MAD1L1: variants seen among roughly 807,000 people sequenced by gnomAD.
MAD1L1 encodes the protein mitotic spindle assembly checkpoint protein MAD1.
Under a neutral mutation model 96.9 loss-of-function variants are expected in MAD1L1, and 95 were observed. The observed-to-expected ratio is 0.98, with a 90% CI of 0.83 to 1.16. The LOEUF (loss-of-function observed/expected upper bound fraction) is 1.16, where lower values mean the gene tolerates loss of function less well. Ranked by LOEUF, MAD1L1 falls within the 50% of genes most tolerant of loss-of-function variation. MAD1L1 has a pLI of 0.00. For missense variants in MAD1L1, 1,007 were observed against 954.4 expected (o/e 1.06, Z -0.73); for synonymous variants, 473 against 396.6 (o/e 1.19, Z -2.29).
intron 12 of MAD1L1, among the ~76,000 whole-genome samples, chr7:2,048,517 T>C (rs779372224): frequency 6.6e-6 from 1 of 152,198 alleles, no homozygotes; most frequent in African/African-American, 2.4e-5. Flanking sequence ...ATGCCAGGTA[T>C]TTAACATAGG....
At chr7:1,997,983 A>ACCG (rs397739478) in intron 14 of MAD1L1, among the ~76,000 whole-genome samples, 41 of 151,484 alleles carry the variant, frequency 2.7e-4, no homozygotes, top group African/African-American at 9.2e-4. Flanking sequence ...TCCTCCCACC[A>ACCG]AATTCGAAGT....
In MAD1L1 at chr7:1,936,796, C is replaced by A; in HGVS notation, c.1698G>T (p.Ala566=). Residue 566 remains alanine (A), a synonymous_variant, in exon 17 of 19, where the codon GCG becomes GCT. Coordinates refer to ENST00000265854, the MANE Select transcript of MAD1L1 (RefSeq NM_001013836.2). ...GGAGCCCGCGCAGTCGCTCGCACTC[C>A]GCCTGCAGCTGGCTGTGGTCCTCGC... ...RLREDHSQLQ[A]ECERLRGLLR... is the part of the protein sequence containing the mutation. 6.3e-7 allele frequency: 1 copy of A among 1,588,778 alleles called. No individual in the cohort carries two copies. The highest frequency in any genetic ancestry group is 2.3e-5 in the East Asian group (1 of 43,608).
chr7:2,145,021 C>T (rs939170815), intron 11 of MAD1L1, among the ~76,000 whole-genome samples: 15 of 152,290 alleles, frequency 9.8e-5, no homozygotes, highest in African/African-American at 3.6e-4. Flanking sequence ...ACCCAACCCC[C>T]AGGCTGCAAT....
intron 12 of MAD1L1, among the ~76,000 whole-genome samples, chr7:2,043,781 G>A (rs1185113153): frequency 6.6e-6 from 1 of 152,242 alleles, no homozygotes; most frequent in East Asian, 1.9e-4. Context: ...TGAGGCAGGG[G>A]CCTCTGCCCA....
At chr7:2,131,126 T>C (rs1788491249) in intron 11 of MAD1L1, among the ~76,000 whole-genome samples, 2 of 152,222 alleles carry the variant, frequency 1.3e-5, no homozygotes, top group African/African-American at 4.8e-5. Flanking sequence ...CATACTGCAC[T>C]ATGAGCTCCT....
At chr7:2,147,101 G>C (rs1789347608) in intron 11 of MAD1L1, among the ~76,000 whole-genome samples, 1 of 152,218 alleles carries the variant, frequency 6.6e-6, no homozygotes, top group Admixed American at 6.5e-5. Context: ...CTGAGACCCG[G>C]GGACGGCTCA....
intron 16 of MAD1L1, among the ~76,000 whole-genome samples, chr7:1,956,662 C>T (rs896594554): frequency 2.6e-5 from 4 of 151,936 alleles, no homozygotes; most frequent in African/African-American, 9.7e-5. Flanking sequence ...TCATGCCAAC[C>T]CCACGGTACC....
At chr7:1,821,824 G>C (rs34256344) in intron 18 of MAD1L1, among the ~76,000 whole-genome samples, 56,702 of 152,050 alleles carry the variant, frequency 0.37, 11,297 homozygotes, top group Non-Finnish European at 0.45. Context: ...AGCTCACGCT[G>C]CTTCACGGAA....
At chr7:1,947,950 C>G (rs1435063908) in intron 16 of MAD1L1, among the ~76,000 whole-genome samples, 3 of 152,192 alleles carry the variant, frequency 2.0e-5, no homozygotes, top group Non-Finnish European at 4.4e-5. Flanking sequence ...CAGCCTGAAG[C>G]AGACAGAGAA....
intron 18 of MAD1L1, among the ~76,000 whole-genome samples, chr7:1,826,190 T>C (rs939662321): frequency 2.0e-5 from 3 of 152,118 alleles, no homozygotes; most frequent in African/African-American, 7.2e-5. Context: ...TCTCAGGTGC[T>C]GTGGGGCCAG....
intron 17 of MAD1L1, among the ~76,000 whole-genome samples, chr7:1,918,463 G>A (rs979747168): frequency 2.0e-5 from 3 of 152,128 alleles, no homozygotes; most frequent in East Asian, 1.9e-4. Flanking sequence ...TCAGCCCTCC[G>A]CACTGCCCAG....
At chr7:2,124,819 A>C (rs902933976) in intron 11 of MAD1L1, among the ~76,000 whole-genome samples, 1 of 152,168 alleles carries the variant, frequency 6.6e-6, no homozygotes, top group Non-Finnish European at 1.5e-5. Flanking sequence ...GCACGGTGAC[A>C]TCACATACAA....
Position 1,815,903 on chromosome 7 carries a change from CCGCCCCAGCAGGAAGCCCGACGTA to C in MAD1L1, c.*143_*166del. The C allele has an allele frequency of 1.3e-6, 1 of 782,486 alleles. No homozygotes were observed. Among genetic ancestry groups the C allele is most frequent in the Non-Finnish European group, 2.0e-6 (1 of 506,004 alleles). 48.5% of individuals were successfully genotyped at this position (782,486 alleles called of 1,614,324 possible). A position where few individuals can be genotyped will look rare whatever the true frequency, so the allele number is the denominator to read the frequency against. Reference sequence around the variant, plus strand: ...GGTCTGCACGTGGAGAGGGTGCTGGCCGCCCCAGCAGGAAGCCCGACGTAGGTCCCAGCGTGTCTGTCAGTCATG... The same window carrying C: ...GGTCTGCACGTGGAGAGGGTGCTGGCGGTCCCAGCGTGTCTGTCAGTCATG... On this transcript the variant is annotated 3_prime_UTR_variant, in exon 19 of 19. Transcript: ENST00000265854.
intron 17 of MAD1L1, among the ~76,000 whole-genome samples, chr7:1,915,264 T>C (rs1380868204): frequency 1.3e-5 from 2 of 152,084 alleles, no homozygotes; most frequent in African/African-American, 2.4e-5. Context: ...AGTGCAACAG[T>C]AGCACCTTGG....
intron 16 of MAD1L1, among the ~76,000 whole-genome samples, chr7:1,938,424 G>A (rs929770796): frequency 4.6e-5 from 7 of 152,036 alleles, no homozygotes; most frequent in South Asian, 2.1e-4. Flanking sequence ...AAAAAAAAAA[G>A]AGTACAACTG....
chr7:2,124,063 C>A (rs2128563059), intron 11 of MAD1L1, among the ~76,000 whole-genome samples: 1 of 152,326 alleles, frequency 6.6e-6, no homozygotes, highest in Admixed American at 6.5e-5. Flanking sequence ...GCCGGGCAAA[C>A]ACCTCCAGGA....
chr7:2,106,780 C>A (rs1404422848), intron 11 of MAD1L1, among the ~76,000 whole-genome samples: 3 of 152,212 alleles, frequency 2.0e-5, no homozygotes, highest in Admixed American at 6.5e-5. Flanking sequence ...GCTGCCCCTC[C>A]CCAGCTGTCA....
intron 17 of MAD1L1, among the ~76,000 whole-genome samples, chr7:1,917,688 G>C (rs1295027580): frequency 6.6e-6 from 1 of 152,240 alleles, no homozygotes; most frequent in Non-Finnish European, 1.5e-5. Context: ...CCACGGCTGG[G>C]GACCGTAGCA....
intron 3 of MAD1L1, among the ~76,000 whole-genome samples, chr7:2,226,408 T>C (rs919638711): frequency 4.6e-5 from 7 of 151,158 alleles, no homozygotes; most frequent in East Asian, 1.9e-4. Context: ...CTCTCAGAAG[T>C]CTGCCTGCCA....
Sources: gnomAD v4.1 joint callset for allele counts (sites outside exome capture counted in the v4.1 genomes callset) on GRCh38, gnomAD v4.1.1 for gene constraint, MANE v1.5 for transcripts, NCBI Gene and HGNC (gene_info 2026-07-23, HGNC 2026-07-21) for gene names.